RRP1: variants seen among roughly 807,000 people sequenced by gnomAD.
The protein encoded by RRP1 is ribosomal RNA processing 1, also known as ribosomal RNA processing protein 1 homolog A.
Under a neutral mutation model 54.6 loss-of-function variants are expected in RRP1, and 37 were observed. The ratio of observed to expected loss-of-function variants is 0.68; its 90% CI spans 0.52 to 0.89. The LOEUF (loss-of-function observed/expected upper bound fraction) is 0.89. RRP1 is among the 40% of genes least tolerant of loss of function. The pLI, the probability that RRP1 is intolerant of heterozygous loss-of-function variation, is 0.00. For missense variants in RRP1, 639 were observed against 612.5 expected (o/e 1.04, Z -0.46); for synonymous variants, 262 against 244.3 (o/e 1.07, Z -0.67).
intron 2 of RRP1, 142 bp from the exon 3 acceptor site, chr21:43,792,530 A>G (rs2084971026): frequency 2.6e-6 from 2 of 782,482 alleles, no homozygotes; most frequent in Non-Finnish European, 4.4e-6. Flanking sequence ...TGAAACCTCC[A>G]GTGCACTGAG....
In RRP1 at chr21:43,801,660, CAG is replaced by C. The variant is rs576676750; in HGVS notation, c.1010-613_1010-612del. On this transcript the variant is annotated intron_variant, in intron 11 of 12. Coordinates refer to ENST00000497547, the MANE Select transcript of RRP1 (RefSeq NM_003683.6). The stretch of plus-strand genomic sequence containing the variant: ...CTAATTGTTGTATTTTTTGTAGAGA[CAG>C]GGTTTCGCTGTGTTGCCCGGCTGGT... Among the ~76,000 whole-genome samples, 478 of 152,262 alleles carry C rather than the reference CAG, an allele frequency of 3.1e-3. 4 individuals are homozygous for C. The highest frequency in any genetic ancestry group is 0.011 in the African/African-American group (450 of 41,544).
chr21:43,798,282 C>T (rs979429823), intron 8 of RRP1, among the ~76,000 whole-genome samples, 182 bp downstream of exon 8: 1 of 152,052 alleles, frequency 6.6e-6, no homozygotes, highest in South Asian at 2.1e-4. Context: ...ACGTCGTTTC[C>T]CCTCATCCCC....
chr21:43,796,848 C>G (rs2085023441), intron 5 of RRP1, among the ~76,000 whole-genome samples: 1 of 152,222 alleles, frequency 6.6e-6, no homozygotes, highest in African/African-American at 2.4e-5. Flanking sequence ...GTCTAGTCTT[C>G]AGATCCAGGG....
chr21:43,791,491 C>A, intron 2 of RRP1, 59 bp downstream of exon 2: 1 of 1,474,478 alleles, frequency 6.8e-7, no homozygotes, highest in Non-Finnish European at 9.5e-7. Flanking sequence ...GGATGGGCAT[C>A]TGGTCAACCC....
intron 1 of RRP1, 81 bp downstream of exon 1, chr21:43,789,843 G>T: frequency 7.2e-7 from 1 of 1,395,952 alleles, no homozygotes. Context: ...CGGAGCTGGG[G>T]GCCCTCCGAG....
At position 43,797,648 on chromosome 21, in the gene RRP1, C is replaced by T. The variant is rs1234762985; in HGVS notation, c.570C>T (p.Asn190=). Residue 190 remains asparagine, a synonymous_variant, in exon 7 of 13, where the codon AAC becomes AAT. Coordinates refer to ENST00000497547, the MANE Select transcript of RRP1 (RefSeq NM_003683.6). ...CCCCGTAGCTTACGGCAGACCAGAACCTGAAGTTCATCGACCCCTTCTGCA... is the reference window on the plus strand; with the variant it reads ...CCCCGTAGCTTACGGCAGACCAGAATCTGAAGTTCATCGACCCCTTCTGCA... ...VGAEELTADQ[N]LKFIDPFCRI... The T allele has an allele frequency of 6.2e-7, 1 of 1,614,190 alleles. No individual in the cohort carries two copies. Among genetic ancestry groups the T allele is most frequent in the Non-Finnish European group, 8.5e-7 (1 of 1,180,044 alleles).
chr21:43,803,547 G>A lies in RRP1; in HGVS notation c.1159G>A (p.Glu387Lys), dbSNP rs767943393. 6.4e-6 allele frequency: 10 copies of A among 1,557,662 alleles called. No individual in the cohort carries two copies. In the Admixed American group the frequency reaches 1.9e-4, roughly 30 times the overall value. ...GAAGGAGCCCCCGAGCCCGGGCATGGAGAGGAAGAGGAGCAGGAGGAGGGG... is the reference window on the plus strand; with the variant it reads ...GAAGGAGCCCCCGAGCCCGGGCATGAAGAGGAAGAGGAGCAGGAGGAGGGG... ...GEKEPPSPGM[E>K]RKRSRRRGVG... The change falls in exon 13 of 13, where the codon GAG (glutamate) becomes AAG (lysine). Residue 387 changes from glutamate (E) to lysine (K), a missense_variant. Transcript: ENST00000497547.
In RRP1 at chr21:43,800,578, C is replaced by G. The variant is rs201861906; in HGVS notation, c.953C>G (p.Ser318Cys). The G allele has an allele frequency of 5.0e-6, 8 of 1,614,252 alleles. No individual in the cohort carries two copies. The African/African-American group carries it at 9.3e-5, about 19-fold the overall frequency. ...ATGGCCAGCCGCCAGAGCACCCCTTCTCAGAACAGAAAGCGTCTCTACAAA... is the reference window on the plus strand; with the variant it reads ...ATGGCCAGCCGCCAGAGCACCCCTTGTCAGAACAGAAAGCGTCTCTACAAA... ...FEMASRQSTP[S>C]QNRKRLYKVI... The change falls in exon 10 of 13, where the codon TCT becomes TGT. Residue 318 changes from serine (S) to cysteine (C), a missense_variant. By Grantham distance (112) the Ser-to-Cys change is moderately radical. Transcript: ENST00000497547.
At chr21:43,793,152 A>G (rs1227826052) in intron 3 of RRP1, 167 bp from the exon 4 acceptor site, 17 of 643,450 alleles carry the variant, frequency 2.6e-5, no homozygotes, top group African/African-American at 1.8e-4. Context: ...AAAAATCCTC[A>G]TGTCCAGATC....
At chr21:43,790,596 T>G in intron 1 of RRP1, 1 of 162,816 alleles carries the variant, frequency 6.1e-6, no homozygotes, top group Non-Finnish European at 1.3e-5. Flanking sequence ...TTTTTGTTAT[T>G]TTTCTGAGTG....
intron 8 of RRP1, among the ~76,000 whole-genome samples, chr21:43,799,177 C>T (rs1381746892): frequency 6.6e-6 from 1 of 152,202 alleles, no homozygotes; most frequent in Non-Finnish European, 1.5e-5. Flanking sequence ...CCCACAGCTT[C>T]TGGACCAGGC....
chr21:43,795,914 G>A (rs568793341), intron 5 of RRP1, among the ~76,000 whole-genome samples: 1 of 152,314 alleles, frequency 6.6e-6, no homozygotes, highest in Admixed American at 6.5e-5. Flanking sequence ...GGCCGAGGCG[G>A]GCAGATCACA....
chr21:43,795,533 A>G (rs2085010051), intron 5 of RRP1, among the ~76,000 whole-genome samples: 1 of 152,166 alleles, frequency 6.6e-6, no homozygotes, highest in South Asian at 2.1e-4. Context: ...AAAACACGGC[A>G]TGTTCCGCTT....
chr21:43,803,700 C>T lies in RRP1; in HGVS notation c.1312C>T (p.Arg438Trp), dbSNP rs759967067. 1.4e-5 allele frequency: 21 copies of T among 1,555,354 alleles called. No individual in the cohort carries two copies. The highest frequency in any genetic ancestry group is 2.7e-5 in the African/African-American group (2 of 73,486). The change falls in exon 13 of 13, where the codon CGG becomes TGG. Residue 438 changes from arginine to tryptophan, a missense_variant. Coordinates refer to ENST00000497547, the MANE Select transcript of RRP1 (RefSeq NM_003683.6). Reference sequence around the variant, plus strand: ...GGCTCGCCAGAGAAGGAGGACACCTCGGCCCCTGACCAGTGCCCGAGCAAA... The same window carrying T: ...GGCTCGCCAGAGAAGGAGGACACCTTGGCCCCTGACCAGTGCCCGAGCAAA... ...RGARQRRRTPRPLTSARAKAA... is the reference protein window; with the variant it reads ...RGARQRRRTPWPLTSARAKAA...
rs201870763 is a variant in RRP1 at position 43,797,922 on chromosome 21, C to A, written c.633C>A (p.Asn211Lys). Reference sequence around the variant, plus strand: ...TGCCCCTCAGTTCCTTGGTTTTGAACAACATCACTCGAGGCATCTTTGAGA... The same window carrying A: ...TGCCCCTCAGTTCCTTGGTTTTGAAAAACATCACTCGAGGCATCTTTGAGA... ...AARTKDSLVL[N>K]NITRGIFETI... The change falls in exon 8 of 13, where the codon AAC (asparagine) becomes AAA (lysine). Residue 211 changes from asparagine (N) to lysine (K), a missense_variant. Transcript: ENST00000497547. 7.6e-5 allele frequency: 123 copies of A among 1,613,778 alleles called. No homozygotes were observed. The highest frequency in any genetic ancestry group is 9.8e-5 in the Non-Finnish European group (116 of 1,179,854).
intron 8 of RRP1, among the ~76,000 whole-genome samples, chr21:43,799,024 C>A (rs970560065): frequency 2.0e-5 from 3 of 151,836 alleles, no homozygotes; most frequent in Admixed American, 6.6e-5. Flanking sequence ...CTGCTGCTGG[C>A]CCCCTGCTGC....
chr21:43,795,935 A>G (rs1412736478), intron 5 of RRP1, among the ~76,000 whole-genome samples: 1 of 152,216 alleles, frequency 6.6e-6, no homozygotes, highest in African/African-American at 2.4e-5. Flanking sequence ...AGGTCAAGAG[A>G]TCGAGACCAT....
At chr21:43,799,858 C>G (rs1346620402) in intron 9 of RRP1, among the ~76,000 whole-genome samples, 1 of 150,820 alleles carries the variant, frequency 6.6e-6, no homozygotes, top group Non-Finnish European at 1.5e-5. Flanking sequence ...GGGCTGGGGC[C>G]TGGGAAAGTG....
chr21:43,797,841 T>C lies in RRP1; in HGVS notation c.618-66T>C, dbSNP rs576292073. 3.2e-6 allele frequency: 5 copies of C among 1,572,988 alleles called. No individual in the cohort carries two copies. In the South Asian group the frequency reaches 4.6e-5, roughly 15 times the overall value. ...TGGGTGGGGAGAGGTTGCAGGGGAG[T>C]CGGCGGCTTCCGCTTGGGAATCCAG... On this transcript the variant is annotated intron_variant, in intron 7 of 12. Coordinates refer to ENST00000497547, the MANE Select transcript of RRP1 (RefSeq NM_003683.6).
Sources: allele counts gnomAD v4.1 joint callset (sites outside exome capture counted in the v4.1 genomes callset), GRCh38; gene constraint gnomAD v4.1.1; transcripts MANE v1.5; gene names NCBI Gene and HGNC (gene_info 2026-07-23, HGNC 2026-07-21).